TRDN: variants seen among roughly 807,000 people sequenced by gnomAD.
TRDN encodes the protein triadin.
In TRDN, 161 loss-of-function variants were observed where a neutral mutation model predicts 149.7. The ratio of observed to expected loss-of-function variants is 1.08; its 90% CI spans 0.95 to 1.23. The LOEUF (loss-of-function observed/expected upper bound fraction) is 1.23, where lower values mean the gene tolerates loss of function less well. Ranked by LOEUF, TRDN falls within the 50% of genes most tolerant of loss-of-function variation. TRDN has a pLI of 0.00. For synonymous variants in TRDN, 294 were observed against 250.5 expected (o/e 1.17, Z -1.64); for missense variants, 896 against 823.5 (o/e 1.09, Z -1.08).
intron 12 of TRDN, among the ~76,000 whole-genome samples, chr6:123,404,243 C>A (rs1384391727): frequency 6.6e-6 from 1 of 152,174 alleles, no homozygotes; most frequent in Non-Finnish European, 1.5e-5. Context: ...ATGCCACATA[C>A]TTGATGTCCT....
intron 12 of TRDN, among the ~76,000 whole-genome samples, chr6:123,413,587 G>GAATT (rs1773529838): frequency 1.3e-5 from 2 of 152,138 alleles, no homozygotes; most frequent in African/African-American, 4.8e-5. Flanking sequence ...TGATAAAAGT[G>GAATT]AATTCTCCAG....
chr6:123,321,083 G>C (rs1273550446), intron 23 of TRDN, among the ~76,000 whole-genome samples: 1 of 152,092 alleles, frequency 6.6e-6, no homozygotes, highest in Non-Finnish European at 1.5e-5. Context: ...TTCAGTATGA[G>C]GGGGTCTGGA....
rs572614305 is a variant in TRDN at position 123,503,658 on chromosome 6, A to G, written c.793+61T>C. The stretch of plus-strand genomic sequence containing the variant: ...CTTTTTCAACTTTTAATTTCACTGC[A>G]TGTGCTTCTTGCCCAATATTCTCTT... On this transcript the variant is annotated intron_variant, in intron 8 of 40. Coordinates refer to ENST00000334268, the MANE Select transcript of TRDN (RefSeq NM_006073.4). 535 of 1,606,380 alleles carry G rather than the reference A, an allele frequency of 3.3e-4. 2 individuals are homozygous for G. In the African/African-American group the frequency reaches 6.1e-3, roughly 18 times the overall value.
At position 123,529,940 on chromosome 6, in the gene TRDN, T is replaced by A. The variant is rs148751126; in HGVS notation, c.484+566A>T. On this transcript the variant is annotated intron_variant, in intron 5 of 40. Transcript: ENST00000334268. ...ATAAGCAAGACAATGCTGGCCTTTC[T>A]TAATTTGCTTCTGCTGCAAGATTGC... 4.5e-4 allele frequency among the ~76,000 whole-genome samples: 69 copies of A among 152,182 alleles called. 1 individual carries two copies. The highest frequency in any genetic ancestry group is 3.4e-3 in the Middle Eastern group (1 of 294).
At chr6:123,302,118 G>T (rs1206912492) in intron 24 of TRDN, among the ~76,000 whole-genome samples, 1 of 150,496 alleles carries the variant, frequency 6.6e-6, no homozygotes, top group South Asian at 2.1e-4. Context: ...GATCACTATG[G>T]GAACTTTTAA....
At chr6:123,303,862 G>A (rs1778513618) in intron 24 of TRDN, among the ~76,000 whole-genome samples, 1 of 152,018 alleles carries the variant, frequency 6.6e-6, no homozygotes, top group African/African-American at 2.4e-5. Context: ...ATGTAAACAA[G>A]ATAATAAGTT....
At chr6:123,233,500 G>A (rs4382289) in intron 38 of TRDN, among the ~76,000 whole-genome samples, 8,071 of 152,034 alleles carry the variant, frequency 0.053, 638 homozygotes, top group African/African-American at 0.18. Context: ...GGATAAACAC[G>A]GCTCTCTTGA....
At chr6:123,412,459 C>T (rs1207351701) in intron 12 of TRDN, among the ~76,000 whole-genome samples, 5 of 152,178 alleles carry the variant, frequency 3.3e-5, no homozygotes, top group African/African-American at 4.8e-5. Context: ...TGCAACAGTA[C>T]AGACATAAGA....
At chr6:123,441,426 TA>T (rs1774881215) in intron 10 of TRDN, among the ~76,000 whole-genome samples, 1 of 152,166 alleles carries the variant, frequency 6.6e-6, no homozygotes, top group East Asian at 1.9e-4. Flanking sequence ...TTCAGAAGAT[TA>T]AAAATTAAAT....
chr6:123,287,925 C>T (rs1367682), intron 24 of TRDN, among the ~76,000 whole-genome samples: 131,867 of 151,926 alleles, frequency 0.87, 57,552 homozygotes, highest in East Asian at 0.99. Context: ...ATGATAGGGA[C>T]TTTAGCCTTA....
chr6:123,309,250 C>T (rs1350180006), intron 24 of TRDN, among the ~76,000 whole-genome samples: 1 of 151,882 alleles, frequency 6.6e-6, no homozygotes, highest in Non-Finnish European at 1.5e-5. Context: ...ATGGCTGTAT[C>T]CTACTACTGC....
At chr6:123,433,545 T>G (rs1033173471) in intron 12 of TRDN, among the ~76,000 whole-genome samples, 4 of 152,102 alleles carry the variant, frequency 2.6e-5, no homozygotes, top group Admixed American at 6.6e-5. Flanking sequence ...CATGAATGAA[T>G]GAACACATTC....
chr6:123,355,565 T>C (rs969740454), intron 20 of TRDN, among the ~76,000 whole-genome samples: 2 of 151,766 alleles, frequency 1.3e-5, no homozygotes, highest in African/African-American at 4.8e-5. Context: ...TCCAGTTTGA[T>C]CTTGTTCAGG....
intron 21 of TRDN, among the ~76,000 whole-genome samples, chr6:123,342,408 A>G (rs968152032): frequency 2.6e-5 from 4 of 151,922 alleles, no homozygotes; most frequent in Admixed American, 6.6e-5. Context: ...AGTCCCATCA[A>G]TTTAAGATGT....
chr6:123,302,413 A>G (rs1778461438), intron 24 of TRDN, among the ~76,000 whole-genome samples: 1 of 152,128 alleles, frequency 6.6e-6, no homozygotes, highest in Non-Finnish European at 1.5e-5. Context: ...GATCCTTTGC[A>G]TATTCAGTGT....
At position 123,548,501 on chromosome 6, in the gene TRDN, G is replaced by T; in HGVS notation, c.344C>A (p.Ser115Ter). ...GFFSLLSDII[S>*]SEDEEDDDGD... ...ATCATCATCTTCTTCATCTTCAGAT[G>T]AGATGATGTCAGATAACAAAGAAAA... The change falls in exon 3 of 41, where the codon TCA (serine) becomes TAA (stop). Residue 115 changes from serine to a stop codon, truncating the protein, a stop_gained. Coordinates refer to ENST00000334268, the MANE Select transcript of TRDN (RefSeq NM_006073.4). LOFTEE classifies it high-confidence loss of function. The T allele has an allele frequency of 6.3e-7, 1 of 1,577,222 alleles. No individual in the cohort carries two copies. Among genetic ancestry groups the T allele is most frequent in the Non-Finnish European group, 8.6e-7 (1 of 1,160,846 alleles).
intron 38 of TRDN, among the ~76,000 whole-genome samples, chr6:123,230,033 C>A (rs1582747799): frequency 6.6e-6 from 1 of 151,804 alleles, no homozygotes; most frequent in Non-Finnish European, 1.5e-5. Context: ...TGAATTATAT[C>A]TATCAATAGT....
intron 12 of TRDN, among the ~76,000 whole-genome samples, chr6:123,431,677 T>C (rs975538796): frequency 1.3e-5 from 2 of 152,164 alleles, no homozygotes; most frequent in African/African-American, 4.8e-5. Context: ...TGAATACATA[T>C]GAAAGATACT....
intron 1 of TRDN, among the ~76,000 whole-genome samples, chr6:123,580,129 C>T (rs986917206): frequency 1.3e-5 from 2 of 152,164 alleles, no homozygotes; most frequent in African/African-American, 2.4e-5. Context: ...AGCTGTGAAT[C>T]TATCTGGTCC....
Sources: gnomAD v4.1 joint callset for allele counts (sites outside exome capture counted in the v4.1 genomes callset) on GRCh38, gnomAD v4.1.1 for gene constraint, MANE v1.5 for transcripts, NCBI Gene and HGNC (gene_info 2026-07-23, HGNC 2026-07-21) for gene names.